The following HTR2A variants were observed in gnomAD, a reference collection of about 807,000 sequenced individuals.
HTR2A encodes 5-hydroxytryptamine receptor 2A.
In HTR2A, 14 loss-of-function variants were observed where a neutral mutation model predicts 31.0. That is an observed-to-expected ratio of 0.45 (90% CI 0.30 to 0.71). HTR2A has a LOEUF of 0.71. Among genes scored for constraint, HTR2A ranks in the 30% least tolerant of loss-of-function variants. HTR2A has a pLI of 0.09. For synonymous variants in HTR2A, 209 were observed against 225.2 expected (o/e 0.93, Z 0.64); for missense variants, 442 against 573.3 (o/e 0.77, Z 2.34).
At chr13:46,875,418 C>T (rs185897604) in intron 3 of HTR2A, among the ~76,000 whole-genome samples, 2 of 152,160 alleles carry the variant, frequency 1.3e-5, no homozygotes, top group African/African-American at 4.8e-5. Context: ...ATAAATTGAG[C>T]AAAAAGGTTT....
chr13:46,880,567 G>T (rs1950952041), intron 3 of HTR2A, among the ~76,000 whole-genome samples: 1 of 152,126 alleles, frequency 6.6e-6, no homozygotes, highest in African/African-American at 2.4e-5. Context: ...GACCGGGCAT[G>T]GTGGCTCACA....
chr13:46,847,840 T>C (rs1950654770), intron 3 of HTR2A, among the ~76,000 whole-genome samples: 1 of 152,168 alleles, frequency 6.6e-6, no homozygotes, highest in South Asian at 2.1e-4. Context: ...ATTGTTATCA[T>C]GCAGATAGAT....
At chr13:46,838,692 G>C (rs1307271605) in intron 3 of HTR2A, among the ~76,000 whole-genome samples, 2 of 151,978 alleles carry the variant, frequency 1.3e-5, no homozygotes, top group African/African-American at 4.8e-5. Context: ...TAGAACTGTT[G>C]ATTACTTTCC....
At chr13:46,863,630 G>GAAA (rs59693757) in intron 3 of HTR2A, among the ~76,000 whole-genome samples, 5 of 59,274 alleles carry the variant, frequency 8.4e-5, no homozygotes, top group African/African-American at 1.4e-4. Context: ...CCCTCAAAAT[G>GAAA]AAAAAAAAAA....
intron 3 of HTR2A, among the ~76,000 whole-genome samples, chr13:46,868,922 T>C (rs1281207834): frequency 6.6e-6 from 1 of 152,160 alleles, no homozygotes; most frequent in Non-Finnish European, 1.5e-5. Flanking sequence ...TTCCCAGATA[T>C]ATTATTAAAT....
chr13:46,861,953 A>G (rs897401632), intron 3 of HTR2A, among the ~76,000 whole-genome samples: 1 of 152,230 alleles, frequency 6.6e-6, no homozygotes, highest in Non-Finnish European at 1.5e-5. Context: ...TTGGATGCAC[A>G]TGGAGATAAC....
intron 3 of HTR2A, among the ~76,000 whole-genome samples, chr13:46,866,488 C>T (rs1382871742): frequency 6.6e-6 from 1 of 152,228 alleles, no homozygotes; most frequent in African/African-American, 2.4e-5. Context: ...CACTTGAAGT[C>T]ACAAGACCTG....
intron 3 of HTR2A, among the ~76,000 whole-genome samples, chr13:46,870,679 T>G (rs1266121254): frequency 1.3e-5 from 2 of 152,208 alleles, no homozygotes; most frequent in Non-Finnish European, 2.9e-5. Flanking sequence ...TCAGGCTAGC[T>G]TCTCTTTACT....
chr13:46,897,753 C>G (rs182034514), upstream of HTR2A, among the ~76,000 whole-genome samples: 319 of 152,318 alleles, frequency 2.1e-3, 1 homozygote, highest in African/African-American at 7.4e-3. Flanking sequence ...CACATTCTCC[C>G]TGGACAAATT....
rs1950737020 is a variant in HTR2A at position 46,856,298 on chromosome 13, AATGT to A, written c.614-20663_614-20660del. 6 of 152,318 alleles carry A rather than the reference AATGT, an allele frequency of 3.9e-5. No individual in the cohort carries two copies. In the South Asian group the frequency reaches 1.2e-3, roughly 32 times the overall value. The allele number at this position is 152,318 out of a possible 1,614,324, so 9.4% of individuals were successfully genotyped here. On this transcript the variant is annotated intron_variant, in intron 3 of 3. Transcript: ENST00000542664. ...GAAATAAATGCAAATACCTAGGTAC[AATGT>A]TTTATCTTTTTAATGACACTTCAAT...
rs983166852 is a variant in HTR2A at position 46,833,718 on chromosome 13, C to T, written c.*1119G>A. ...TTGTTTTAATTATTTTTATATTTCTCATATCTAGAAATTTGCTTCACACAT... is the reference window on the plus strand; with the variant it reads ...TTGTTTTAATTATTTTTATATTTCTTATATCTAGAAATTTGCTTCACACAT... On this transcript the variant is annotated 3_prime_UTR_variant, in exon 4 of 4. Transcript: ENST00000542664. 7 of 152,124 alleles carry T rather than the reference C, an allele frequency of 4.6e-5. No homozygotes were observed. The highest frequency in any genetic ancestry group is 1.7e-4 in the African/African-American group (7 of 41,430). The allele number at this position is 152,124 out of a possible 1,614,324, so 9.4% of individuals were successfully genotyped here. A position where few individuals can be genotyped will look rare whatever the true frequency, so the allele number is the denominator to read the frequency against.
intron 3 of HTR2A, among the ~76,000 whole-genome samples, chr13:46,872,370 TAAC>T (rs932017754): frequency 5.9e-5 from 9 of 152,224 alleles, no homozygotes; most frequent in African/African-American, 2.2e-4. Context: ...GTGCTAATAT[TAAC>T]AAGCGTATGT....
At chr13:46,892,029 CT>C (rs1187101777) in intron 3 of HTR2A, among the ~76,000 whole-genome samples, 1 of 152,210 alleles carries the variant, frequency 6.6e-6, no homozygotes, top group Non-Finnish European at 1.5e-5. Flanking sequence ...GGTCTGCATC[CT>C]TACGTTGATC....
At chr13:46,884,928 A>G (rs1467873563) in intron 3 of HTR2A, among the ~76,000 whole-genome samples, 1 of 152,170 alleles carries the variant, frequency 6.6e-6, no homozygotes, top group Admixed American at 6.6e-5. Context: ...TCTTGCATTT[A>G]ACATTATGAA....
rs539555755 is a variant in HTR2A, at chr13:46,842,495, G to A, written c.614-6856C>T. The stretch of plus-strand genomic sequence containing the variant: ...TGGAAAGCTAGATTGCGGCAGGTGC[G>A]CACATAATCTAGACCCACAACAGTC... On this transcript the variant is annotated intron_variant, in intron 3 of 3. Coordinates refer to ENST00000542664, the MANE Select transcript of HTR2A (RefSeq NM_000621.5). 3.0e-3 allele frequency among the ~76,000 whole-genome samples: 455 copies of A among 152,114 alleles called. 4 individuals carry two copies. The highest frequency in any genetic ancestry group is 7.3e-3 in the African/African-American group (302 of 41,494).
chr13:46,832,276 C>T lies in HTR2A; in HGVS notation c.*2561G>A, dbSNP rs938382634. On this transcript the variant is annotated 3_prime_UTR_variant, in exon 4 of 4. Coordinates refer to ENST00000542664, the MANE Select transcript of HTR2A (RefSeq NM_000621.5). ...TAAATAAACATGATACAAACATGCA[C>T]ACATGTGTATATACTGAGTGTTTTC... 6.6e-5 allele frequency: 10 copies of T among 152,192 alleles called. No individual in the cohort carries two copies. Among genetic ancestry groups the T allele is most frequent in the Non-Finnish European group, 1.5e-5 (1 of 68,024 alleles). 9.4% of individuals were successfully genotyped at this position (152,192 alleles called of 1,614,324 possible). A position where few individuals can be genotyped will look rare whatever the true frequency, so the allele number is the denominator to read the frequency against.
At chr13:46,890,386 C>T (rs1294153107) in intron 3 of HTR2A, among the ~76,000 whole-genome samples, 2 of 152,176 alleles carry the variant, frequency 1.3e-5, no homozygotes, top group African/African-American at 4.8e-5. Flanking sequence ...CCCTGCCTGG[C>T]ACCACCACAA....
chr13:46,833,777 G>A lies in HTR2A; in HGVS notation c.*1060C>T, dbSNP rs1294752416. 2 of 152,172 alleles carry A rather than the reference G, an allele frequency of 1.3e-5. No homozygotes were observed. Among genetic ancestry groups the A allele is most frequent in the Non-Finnish European group, 2.9e-5 (2 of 68,038 alleles). The allele number at this position is 152,172 out of a possible 1,614,324, so 9.4% of individuals were successfully genotyped here. Reference sequence around the variant, plus strand: ...ACTCAATAGATGATTGTGGAACCAAGCAGAATGGTTTTAATAAATAGTATA... The same window carrying A: ...ACTCAATAGATGATTGTGGAACCAAACAGAATGGTTTTAATAAATAGTATA... On this transcript the variant is annotated 3_prime_UTR_variant, in exon 4 of 4. Transcript: ENST00000542664.
rs1951103574 is a variant in HTR2A at position 46,896,205 on chromosome 13, T to G, written c.-299A>C. On this transcript the variant is annotated 5_prime_UTR_variant, in exon 2 of 4. Coordinates refer to ENST00000542664, the MANE Select transcript of HTR2A (RefSeq NM_000621.5). ...ACTTTTAGCATAGAGGTTGCAGGGT[T>G]TTTTTTGAGCGCTCGGGAAGATAAA... The G allele has an allele frequency of 1.7e-6, 2 of 1,160,294 alleles. No homozygotes were observed. Among genetic ancestry groups the G allele is most frequent in the Non-Finnish European group, 2.1e-6 (2 of 943,386 alleles). The allele number at this position is 1,160,294 out of a possible 1,614,324, so 71.9% of individuals were successfully genotyped here.
Sources: gnomAD v4.1 joint callset for allele counts (sites outside exome capture counted in the v4.1 genomes callset) on GRCh38, gnomAD v4.1.1 for gene constraint, MANE v1.5 for transcripts, NCBI Gene and HGNC (gene_info 2026-07-23, HGNC 2026-07-21) for gene names.